The following CIT variants were observed in gnomAD, a reference collection of about 807,000 sequenced individuals.
The protein encoded by CIT is citron rho-interacting serine/threonine kinase.
A neutral mutation model predicts 272.7 loss-of-function variants in CIT; 79 were observed. The observed-to-expected ratio is 0.29, with a 90% CI of 0.24 to 0.35. The LOEUF (loss-of-function observed/expected upper bound fraction) is 0.35, where lower values mean the gene tolerates loss of function less well. Ranked by LOEUF, CIT falls within the 10% of genes least tolerant of loss-of-function variation. The pLI is 1.00. For synonymous variants in CIT, 948 were observed against 995.6 expected (o/e 0.95, Z 0.90); for missense variants, 1,909 against 2,618.3 (o/e 0.73, Z 5.91).
chr12:119,693,288 G>A (rs751132771), intron 46 of CIT, among the ~76,000 whole-genome samples: 2 of 152,172 alleles, frequency 1.3e-5, no homozygotes, highest in African/African-American at 2.4e-5. Flanking sequence ...CCAGGGCAAC[G>A]AAGCCTGCAG....
chr12:119,856,510 C>T (rs943498722), intron 4 of CIT, among the ~76,000 whole-genome samples: 2 of 151,848 alleles, frequency 1.3e-5, no homozygotes, highest in African/African-American at 2.4e-5. Context: ...GTCCTCATTT[C>T]GCCATTTCCC....
chr12:119,749,596 G>T (rs563601246), intron 23 of CIT, among the ~76,000 whole-genome samples: 2 of 152,258 alleles, frequency 1.3e-5, no homozygotes, highest in East Asian at 3.9e-4. Context: ...CCGTATGATG[G>T]GTTTGCAAAC....
rs1956112294 is a variant in CIT, at chr12:119,694,334, G to A, written c.5882+3325C>T. Reference sequence around the variant, plus strand: ...TGCAGCAACAGATTGGAGACAACTCGAACAGCCATTAATGAAGAAGCAGTT... The same window carrying A: ...TGCAGCAACAGATTGGAGACAACTCAAACAGCCATTAATGAAGAAGCAGTT... On this transcript the variant is annotated intron_variant, in intron 46 of 47. Coordinates refer to ENST00000392521, the MANE Select transcript of CIT (RefSeq NM_001206999.2). This position sits in a 1 kb window ranked among gnomAD's most constrained non-coding sequence, Gnocchi z 4.5. Among the ~76,000 whole-genome samples, 1 of 152,138 alleles carries A rather than the reference G, an allele frequency of 6.6e-6. No individual in the cohort carries two copies. Among genetic ancestry groups the A allele is most frequent in the African/African-American group, 2.4e-5 (1 of 41,408 alleles).
intron 8 of CIT, among the ~76,000 whole-genome samples, chr12:119,824,923 A>G (rs1323681714): frequency 6.6e-6 from 1 of 151,972 alleles, no homozygotes; most frequent in Non-Finnish European, 1.5e-5. Context: ...CTCAGCCTCC[A>G]GAGTAGCTGG....
At chr12:119,799,500 T>C (rs1457622069) in intron 10 of CIT, among the ~76,000 whole-genome samples, 1 of 152,246 alleles carries the variant, frequency 6.6e-6, no homozygotes, top group East Asian at 1.9e-4. Flanking sequence ...TCCATGGTGT[T>C]TGAATGCCTG....
intron 1 of CIT, 43 bp from the exon 2 acceptor site, chr12:119,876,224 G>T: frequency 7.7e-7 from 1 of 1,297,972 alleles, no homozygotes; most frequent in Non-Finnish European, 1.1e-6. Flanking sequence ...TATGTTTTGA[G>T]CAGGAAGGGC....
chr12:119,776,730 C>T lies in CIT; in HGVS notation c.1778G>A (p.Arg593Gln), dbSNP rs1593700528. The T allele has an allele frequency of 3.1e-6, 5 of 1,613,974 alleles. No homozygotes were observed. The highest frequency in any genetic ancestry group is 4.2e-6 in the Non-Finnish European group (5 of 1,179,996). ...DLYESELRES[R>Q]LAAEEFKRKA... ...CCGCTTGAATTCTTCAGCAGCAAGC[C>T]GAGACTCTCTCAGCTCAGATTCGTA... Residue 593 changes from arginine to glutamine, a missense_variant, in exon 14 of 48, where the codon CGG becomes CAG. Coordinates refer to ENST00000392521, the MANE Select transcript of CIT (RefSeq NM_001206999.2).
Position 119,831,748 on chromosome 12 carries a change from A to T in CIT, c.753+1023T>A, listed in dbSNP as rs1039973904. ...GCTGGGCATGGTGGCGGGCGCTTGC[A>T]GTCCCAGCTACTCGGGAGGCTGAGG... On this transcript the variant is annotated intron_variant, in intron 7 of 47. Transcript: ENST00000392521. 5.9e-5 allele frequency among the ~76,000 whole-genome samples: 9 copies of T among 152,182 alleles called. 1 individual carries two copies. Among genetic ancestry groups the T allele is most frequent in the Admixed American group, 5.9e-4 (9 of 15,274 alleles).
chr12:119,851,644 A>G (rs1449755098), intron 4 of CIT, among the ~76,000 whole-genome samples: 1 of 152,254 alleles, frequency 6.6e-6, no homozygotes, highest in Admixed American at 6.5e-5. Context: ...AGTGACAGAA[A>G]TGGATTATAA....
At chr12:119,794,997 A>C (rs1301735881) in intron 10 of CIT, among the ~76,000 whole-genome samples, 1 of 152,252 alleles carries the variant, frequency 6.6e-6, no homozygotes. Context: ...CCCTGAGTTC[A>C]GCCCACGTCT....
rs556094910 is a variant in CIT at position 119,850,804 on chromosome 12, C to A, written c.415-529G>T. On this transcript the variant is annotated intron_variant, in intron 4 of 47. Coordinates refer to ENST00000392521, the MANE Select transcript of CIT (RefSeq NM_001206999.2). The stretch of plus-strand genomic sequence containing the variant: ...GCCGTCCCAAGCAACGTGAGGAGGG[C>A]AGCACTCATGTGTGGGGGCAGCCCA... 3.3e-5 allele frequency among the ~76,000 whole-genome samples: 5 copies of A among 152,254 alleles called. No individual in the cohort carries two copies. The East Asian group carries it at 7.7e-4, about 23-fold the overall frequency.
At chr12:119,699,998 C>T (rs1956463275) in intron 44 of CIT, 1 of 442,694 alleles carries the variant, frequency 2.3e-6, no homozygotes, top group Non-Finnish European at 4.6e-6. Context: ...CTAACAAGTG[C>T]AAAAAGATTA....
intron 4 of CIT, 129 bp from the exon 5 acceptor site, chr12:119,850,404 G>A (rs1367177646): frequency 7.9e-6 from 3 of 379,104 alleles, no homozygotes; most frequent in East Asian, 5.4e-5. Flanking sequence ...AGGAAAGAAG[G>A]GAAAAGAAAA....
At chr12:119,859,518 T>C (rs1398306936) in intron 3 of CIT, among the ~76,000 whole-genome samples, 4 of 152,120 alleles carry the variant, frequency 2.6e-5, no homozygotes, top group African/African-American at 9.7e-5. Context: ...TTAGTTTTTT[T>C]TTTAAGAGAC....
rs937516748 is a variant in CIT, at chr12:119,825,652, G to A, written c.754-284C>T. 6.6e-5 allele frequency among the ~76,000 whole-genome samples: 10 copies of A among 152,144 alleles called. No homozygotes were observed. The East Asian group carries it at 9.6e-4, about 15-fold the overall frequency. On this transcript the variant is annotated intron_variant, in intron 7 of 47. Transcript: ENST00000392521. ...TATACGAATGAGAGTTGGATATACC[G>A]GGAATGGAAGATGTCTTTCCTAATA... is the stretch of plus-strand genomic sequence containing the variant.
At chr12:119,751,967 T>G in intron 23 of CIT, 83 bp downstream of exon 23, 5 of 1,221,156 alleles carry the variant, frequency 4.1e-6, no homozygotes, top group Non-Finnish European at 5.7e-6. Context: ...TTTCTAAGGG[T>G]GAGCCAGTAT....
intron 40 of CIT, among the ~76,000 whole-genome samples, chr12:119,707,794 C>A (rs768563788): frequency 1.3e-5 from 2 of 152,224 alleles, no homozygotes; most frequent in Non-Finnish European, 2.9e-5. Flanking sequence ...GCCACCGCGC[C>A]CGGCCAGGCC....
chr12:119,818,585 C>A (rs1326592700), intron 9 of CIT, among the ~76,000 whole-genome samples: 2 of 152,178 alleles, frequency 1.3e-5, no homozygotes, highest in Non-Finnish European at 1.5e-5. Flanking sequence ...TGAGTCACTG[C>A]CGGATGGAAA....
Position 119,688,272 on chromosome 12 carries a change from G to A in CIT, c.6187-17C>T, listed in dbSNP as rs1432810216. On this transcript the variant is annotated splice_polypyrimidine_tract_variant and intron_variant, in intron 47 of 47. Coordinates refer to ENST00000392521, the MANE Select transcript of CIT (RefSeq NM_001206999.2). ...GTCCCAGACCTAGGAGTGAAATAAG[G>A]AGGAGTGTTAGCCATCCGAGGCCAG... 6.2e-7 allele frequency: 1 copy of A among 1,613,324 alleles called. No homozygotes were observed. Among genetic ancestry groups the A allele is most frequent in the Non-Finnish European group, 8.5e-7 (1 of 1,179,394 alleles).
Sources: allele counts gnomAD v4.1 joint callset (sites outside exome capture counted in the v4.1 genomes callset), GRCh38; gene constraint gnomAD v4.1.1; non-coding constraint Gnocchi (gnomAD v3.1); transcripts MANE v1.5; gene names NCBI Gene and HGNC (gene_info 2026-07-23, HGNC 2026-07-21).